The following SDK1 variants were observed in gnomAD, a reference collection of about 807,000 sequenced individuals.
SDK1 encodes the protein protein sidekick-1.
A neutral mutation model predicts 245.5 loss-of-function variants in SDK1; 157 were observed. That is an observed-to-expected ratio of 0.64 (90% CI 0.56 to 0.73). The LOEUF (loss-of-function observed/expected upper bound fraction) is 0.73, where lower values mean the gene tolerates loss of function less well. Among genes scored for constraint, SDK1 ranks in the 30% least tolerant of loss-of-function variants. The pLI, the probability that SDK1 is intolerant of heterozygous loss-of-function variation, is 0.00. For synonymous variants in SDK1, 1,647 were observed against 1,278.5 expected, an observed-to-expected ratio of 1.29 and a Z score of -6.15; for missense variants, 3,583 against 3,002.3, an observed-to-expected ratio of 1.19 and a Z score of -4.52.
chr7:4,033,779 C>T (rs1047751017), intron 17 of SDK1, among the ~76,000 whole-genome samples: 1 of 151,968 alleles, frequency 6.6e-6, no homozygotes, highest in Non-Finnish European at 1.5e-5. Context: ...GATAAAAATG[C>T]AAAAGTCTGA....
chr7:3,755,935 T>G (rs964927062), intron 4 of SDK1, among the ~76,000 whole-genome samples: 3 of 149,460 alleles, frequency 2.0e-5, no homozygotes, highest in African/African-American at 7.4e-5. Context: ...GTGACACATG[T>G]ATATCGTTTT....
rs568947359 is a variant in SDK1, at chr7:3,842,630, C to T, written c.847+21047C>T. On this transcript the variant is annotated intron_variant, in intron 5 of 44. Coordinates refer to ENST00000404826, the MANE Select transcript of SDK1 (RefSeq NM_152744.4). The stretch of plus-strand genomic sequence containing the variant: ...CCCACACTGGTATACTGTCAGTGGA[C>T]AGTTGTGACGAACAATCGTGAGTCC... Among the ~76,000 whole-genome samples the T allele has an allele frequency of 5.9e-5, 9 of 152,234 alleles. No homozygotes were observed. The South Asian group carries it at 1.9e-3, about 32-fold the overall frequency.
rs887678171 is a variant in SDK1 at position 3,922,001 on chromosome 7, T to C, written c.848-28922T>C. On this transcript the variant is annotated intron_variant, in intron 5 of 44. Coordinates refer to ENST00000404826, the MANE Select transcript of SDK1 (RefSeq NM_152744.4). ...AAATAAGCAATGAAGCTCCCTGGAT[T>C]CCAGCCCCTGTTACTCAGGAGCCGC... Among the ~76,000 whole-genome samples, 5 of 152,252 alleles carry C rather than the reference T, an allele frequency of 3.3e-5. No individual in the cohort carries two copies. In the East Asian group the frequency reaches 9.6e-4, roughly 29 times the overall value.
intron 1 of SDK1, among the ~76,000 whole-genome samples, chr7:3,438,423 G>C (rs1411729538): frequency 6.6e-6 from 1 of 152,140 alleles, no homozygotes; most frequent in Non-Finnish European, 1.5e-5. Context: ...ATTTACATAT[G>C]AGAGAAGCTT....
intron 32 of SDK1, among the ~76,000 whole-genome samples, chr7:4,164,202 C>T (rs1013288084): frequency 1.3e-5 from 2 of 152,222 alleles, no homozygotes; most frequent in African/African-American, 2.4e-5. Context: ...CTGGGCCCCA[C>T]CTCTGCCCCT....
intron 1 of SDK1, among the ~76,000 whole-genome samples, chr7:3,565,293 G>A (rs962635524): frequency 3.3e-5 from 5 of 152,068 alleles, no homozygotes; most frequent in African/African-American, 1.2e-4. Context: ...TAGCTACAAA[G>A]GAATCTGGGA....
intron 31 of SDK1, among the ~76,000 whole-genome samples, chr7:4,160,619 G>A (rs1483741639): frequency 6.6e-6 from 1 of 152,140 alleles, no homozygotes. Context: ...GTATGTGGAC[G>A]GTTTACTGAT....
At chr7:3,574,216 A>C (rs1168754535) in intron 1 of SDK1, among the ~76,000 whole-genome samples, 1 of 151,372 alleles carries the variant, frequency 6.6e-6, no homozygotes, top group East Asian at 1.9e-4. Flanking sequence ...TCCTAGATTC[A>C]AGCAATTCTC....
At position 3,962,846 on chromosome 7, in the gene SDK1, T is replaced by C. The variant is rs142691833; in HGVS notation, c.1424T>C (p.Val475Ala). 1.2e-5 allele frequency: 20 copies of C among 1,611,142 alleles called. No homozygotes were observed. The highest frequency in any genetic ancestry group is 1.7e-5 in the Non-Finnish European group (20 of 1,178,866). Residue 475 changes from valine to alanine, a missense_variant, in exon 9 of 45, where the codon GTA becomes GCA. By Grantham distance (64) the Val-to-Ala change is moderately conservative. Transcript: ENST00000404826. ...ATCCAGACCCACACCTACCTGGATG[T>C]AACCAGTGAGTACACCCAGGCCCAC... ...GEIQTHTYLD[V>A]TNIAPVFTQR... is the part of the protein sequence containing the mutation.
At chr7:3,757,818 C>T (rs905152313) in intron 4 of SDK1, among the ~76,000 whole-genome samples, 2 of 152,126 alleles carry the variant, frequency 1.3e-5, no homozygotes, top group Non-Finnish European at 2.9e-5. Flanking sequence ...AGGCCCCCTC[C>T]CCTCCCAGGA....
chr7:3,426,109 C>T (rs908677039), intron 1 of SDK1, among the ~76,000 whole-genome samples: 1 of 152,174 alleles, frequency 6.6e-6, no homozygotes, highest in Non-Finnish European at 1.5e-5. Flanking sequence ...AAGCAGTAAA[C>T]AACGTGGAAG....
chr7:4,161,955 A>AG, intron 32 of SDK1, 99 bp downstream of exon 32: 1 of 1,097,000 alleles, frequency 9.1e-7, no homozygotes, highest in South Asian at 1.3e-5. Context: ...CTGAGCCCTG[A>AG]GCTAAGCGTT....
chr7:3,360,142 A>T (rs1452984733), intron 1 of SDK1, among the ~76,000 whole-genome samples: 1 of 152,084 alleles, frequency 6.6e-6, no homozygotes, highest in East Asian at 1.9e-4. Context: ...TTTCTTTAAC[A>T]CTCTAACCAC....
rs1786421187 is a variant in SDK1 at position 4,016,627 on chromosome 7, A to G, written c.2421-544A>G. The stretch of plus-strand genomic sequence containing the variant: ...ACTCACAGAGGTCTTCTACAAAGCA[A>G]TTTGTCATAGTTAGTACTGGACTAG... On this transcript the variant is annotated intron_variant, in intron 16 of 44. Coordinates refer to ENST00000404826, the MANE Select transcript of SDK1 (RefSeq NM_152744.4). Among the ~76,000 whole-genome samples, 3 of 152,310 alleles carry G rather than the reference A, an allele frequency of 2.0e-5. No individual in the cohort carries two copies. In the South Asian group the frequency reaches 6.2e-4, roughly 32 times the overall value.
rs749390530 is a variant in SDK1, at chr7:4,129,991, A to T, written c.4023A>T (p.Ala1341=). 2 of 1,613,628 alleles carry T rather than the reference A, an allele frequency of 1.2e-6. No homozygotes were observed. Among genetic ancestry groups the T allele is most frequent in the Admixed American group, 1.7e-5 (1 of 59,988 alleles). ...ACCACACGCAGTCGGCCCTGCTGGC[A>T]GGCCTGCGCAAGTTCGTGCTCTACG... ...RGNHTQSALL[A]GLRKFVLYEL... is the part of the protein sequence containing the mutation. The change falls in exon 27 of 45, where the codon GCA becomes GCT. Residue 1341 remains alanine, a synonymous_variant. Transcript: ENST00000404826.
intron 1 of SDK1, among the ~76,000 whole-genome samples, chr7:3,523,092 A>T (rs556745772): frequency 6.6e-6 from 1 of 152,340 alleles, no homozygotes; most frequent in Middle Eastern, 3.4e-3. Flanking sequence ...TAAATGTAAA[A>T]AATTTAGATA....
rs762877149 is a variant in SDK1 at position 3,556,213 on chromosome 7, C to CACG, written c.299-62865_299-62863dup. Among the ~76,000 whole-genome samples, 64 of 138,262 alleles carry CACG rather than the reference C, an allele frequency of 4.6e-4. 2 individuals carry two copies. The highest frequency in any genetic ancestry group is 7.7e-4 in the Non-Finnish European group (49 of 63,228). 90.7% of individuals were successfully genotyped at this position (138,262 alleles called of 152,430 possible). On this transcript the variant is annotated intron_variant, in intron 1 of 44. Coordinates refer to ENST00000404826, the MANE Select transcript of SDK1 (RefSeq NM_152744.4). ...GGATAAAGAAAATGTGATACATATA[C>CACG]ACGATGGAGTATATTCAGCCATAAA... is the stretch of plus-strand genomic sequence containing the variant.
chr7:3,676,728 C>T (rs1013928746), intron 4 of SDK1, among the ~76,000 whole-genome samples: 3 of 152,218 alleles, frequency 2.0e-5, no homozygotes, highest in Admixed American at 2.0e-4. Context: ...TTTTATTCTT[C>T]TGCATATGGA....
chr7:4,105,763 G>A (rs547716730), intron 22 of SDK1, among the ~76,000 whole-genome samples: 2 of 152,320 alleles, frequency 1.3e-5, no homozygotes, highest in East Asian at 3.9e-4. Context: ...GCTTCCGAAA[G>A]GCCCGGATGC....
Sources: allele counts gnomAD v4.1 joint callset (sites outside exome capture counted in the v4.1 genomes callset), GRCh38; gene constraint gnomAD v4.1.1; transcripts MANE v1.5; gene names NCBI Gene and HGNC (gene_info 2026-07-23, HGNC 2026-07-21).